The following CTTNBP2 variants were observed in gnomAD, a reference collection of about 807,000 sequenced individuals.
CTTNBP2 encodes cortactin-binding protein 2.
Under a neutral mutation model 156.9 loss-of-function variants are expected in CTTNBP2, and 108 were observed. The observed-to-expected ratio is 0.69, with a 90% CI of 0.59 to 0.81. CTTNBP2 has a LOEUF of 0.81. Among genes scored for constraint, CTTNBP2 ranks in the 30% least tolerant of loss-of-function variants. The pLI, the probability that CTTNBP2 is intolerant of heterozygous loss-of-function variation, is 0.00. For synonymous variants in CTTNBP2, 767 were observed against 751.8 expected (o/e 1.02, Z -0.33); for missense variants, 1,924 against 2,035.4 (o/e 0.95, Z 1.05).
chr7:117,718,154 A>T, intron 21 of CTTNBP2, 35 bp from the exon 22 acceptor site: 1 of 1,324,182 alleles, frequency 7.6e-7, no homozygotes, highest in Non-Finnish European at 1.1e-6. Flanking sequence ...TCATGTCTCC[A>T]CAGTCACACT....
chr7:117,817,735 T>C (rs1800703084), intron 2 of CTTNBP2, among the ~76,000 whole-genome samples: 2 of 152,028 alleles, frequency 1.3e-5, no homozygotes, highest in Non-Finnish European at 2.9e-5. Context: ...CTGTAACAAT[T>C]TAAAAAATAA....
intron 2 of CTTNBP2, among the ~76,000 whole-genome samples, chr7:117,816,422 T>C (rs1242720551): frequency 2.0e-5 from 3 of 152,198 alleles, no homozygotes; most frequent in Non-Finnish European, 4.4e-5. Flanking sequence ...TTCTCAGTCA[T>C]TTCTCTGCTC....
chr7:117,790,955 TAC>T, intron 4 of CTTNBP2, among the ~76,000 whole-genome samples, 171 bp downstream of exon 4: 1 of 148,074 alleles, frequency 6.8e-6, no homozygotes, highest in East Asian at 2.0e-4. Flanking sequence ...TGAATCACCA[TAC>T]CCTGGAGCCT....
chr7:117,729,059 G>A (rs901927004), intron 16 of CTTNBP2, among the ~76,000 whole-genome samples: 1 of 152,174 alleles, frequency 6.6e-6, no homozygotes, highest in East Asian at 1.9e-4. Context: ...GGAGAAGGAG[G>A]GTAGAGCTCT....
intron 16 of CTTNBP2, among the ~76,000 whole-genome samples, chr7:117,728,768 T>C (rs1795244300): frequency 6.6e-6 from 1 of 152,226 alleles, no homozygotes; most frequent in Non-Finnish European, 1.5e-5. Context: ...TCTGCAAGTA[T>C]ACATTAACTA....
In CTTNBP2 at chr7:117,791,904, G is replaced by A; in HGVS notation, c.1292C>T (p.Pro431Leu). The change falls in exon 4 of 23, where the codon CCA (proline) becomes CTA (leucine). Residue 431 changes from proline to leucine, a missense_variant. Pro to Leu is a moderately conservative substitution (Grantham distance 98, BLOSUM62 -3). Transcript: ENST00000160373. Reference protein sequence around the residue: ...QAPPMHSLHSPCANTSLHPGL... With the variant: ...QAPPMHSLHSLCANTSLHPGL... ...TGGATGCAAAGAGGTGTTGGCACAT[G>A]GTGAATGTAAACTGTGCATAGGTGG... The A allele has an allele frequency of 6.2e-7, 1 of 1,614,162 alleles. No homozygotes were observed. The highest frequency in any genetic ancestry group is 8.5e-7 in the Non-Finnish European group (1 of 1,180,034).
At chr7:117,852,878 A>T (rs1285034314) in intron 2 of CTTNBP2, among the ~76,000 whole-genome samples, 1 of 152,176 alleles carries the variant, frequency 6.6e-6, no homozygotes, top group African/African-American at 2.4e-5. Context: ...GAAAATGCTT[A>T]GTTTCATTAA....
intron 8 of CTTNBP2, among the ~76,000 whole-genome samples, chr7:117,768,520 C>A (rs184161425): frequency 1.6e-4 from 22 of 133,552 alleles, no homozygotes; most frequent in African/African-American, 2.3e-4. Context: ...GAGCCAAGAT[C>A]ATGCCACTGC....
chr7:117,735,399 T>C lies in CTTNBP2; in HGVS notation c.3558A>G (p.Gln1186=). The change falls in exon 15 of 23, where the codon CAA becomes CAG. Residue 1186 remains glutamine, a synonymous_variant. Coordinates refer to ENST00000160373, the MANE Select transcript of CTTNBP2 (RefSeq NM_033427.3). ...ISSACLIPVK[Q]SPSKKKIIII... ...TGATGATTTTCTTCTTACTGGGAGA[T>C]TGTTTCACTGGGATCAGACAAGCTA... 3 of 1,613,546 alleles carry C rather than the reference T, an allele frequency of 1.9e-6. No individual in the cohort carries two copies. Among genetic ancestry groups the C allele is most frequent in the Non-Finnish European group, 2.5e-6 (3 of 1,179,722 alleles).
chr7:117,759,239 C>A (rs1797058484), intron 10 of CTTNBP2, among the ~76,000 whole-genome samples: 2 of 151,948 alleles, frequency 1.3e-5, no homozygotes, highest in African/African-American at 4.8e-5. Flanking sequence ...CTCCGAGTAG[C>A]TGGGACTACA....
At chr7:117,736,157 A>G (rs1261857230) in intron 14 of CTTNBP2, among the ~76,000 whole-genome samples, 1 of 152,226 alleles carries the variant, frequency 6.6e-6, no homozygotes, top group East Asian at 1.9e-4. Flanking sequence ...AAATGTTCAT[A>G]AGATTATGTA....
At chr7:117,812,558 A>G (rs188577400) in intron 2 of CTTNBP2, among the ~76,000 whole-genome samples, 1 of 152,250 alleles carries the variant, frequency 6.6e-6, no homozygotes, top group Non-Finnish European at 1.5e-5. Context: ...ATTTACAAAA[A>G]GTCCAGTTTC....
chr7:117,712,745 G>C (rs1486548712), intron 22 of CTTNBP2, among the ~76,000 whole-genome samples: 1 of 152,154 alleles, frequency 6.6e-6, no homozygotes. Context: ...TCACCTGGGG[G>C]AGCTTTAATA....
rs1388988816 is a variant in CTTNBP2, at chr7:117,851,957, A to C, written c.189+9252T>G. Among the ~76,000 whole-genome samples the C allele has an allele frequency of 2.6e-5, 4 of 152,212 alleles. No individual in the cohort carries two copies. The East Asian group carries it at 7.7e-4, about 29-fold the overall frequency. ...ATCAACTCTAAGTTAACTTGACAGGATTACTTAAAAGTTTGTCTTAAAAAG... is the reference window on the plus strand; with the variant it reads ...ATCAACTCTAAGTTAACTTGACAGGCTTACTTAAAAGTTTGTCTTAAAAAG... On this transcript the variant is annotated intron_variant, in intron 2 of 22. Coordinates refer to ENST00000160373, the MANE Select transcript of CTTNBP2 (RefSeq NM_033427.3).
In CTTNBP2 at chr7:117,756,558, C is replaced by A; in HGVS notation, c.3345G>T (p.Arg1115Ser). The change falls in exon 12 of 23, where the codon AGG (arginine) becomes AGT (serine). Residue 1115 changes from arginine to serine, a missense_variant. Coordinates refer to ENST00000160373, the MANE Select transcript of CTTNBP2 (RefSeq NM_033427.3). ...IPLQMMQNYLRLVEQYHNVIF... is the reference protein window; with the variant it reads ...IPLQMMQNYLSLVEQYHNVIF... ...CCACCCAGCAGTGTCCACCTACCAG[C>A]CTGAGGTAGTTCTGCATCATCTGGA... 6.2e-7 allele frequency: 1 copy of A among 1,611,722 alleles called. No homozygotes were observed. Among genetic ancestry groups the A allele is most frequent in the Non-Finnish European group, 8.5e-7 (1 of 1,177,876 alleles).
intron 8 of CTTNBP2, among the ~76,000 whole-genome samples, chr7:117,777,256 T>C (rs1798153995): frequency 6.6e-6 from 1 of 152,186 alleles, no homozygotes; most frequent in African/African-American, 2.4e-5. Flanking sequence ...GTAGACAAGA[T>C]AAAATGTTTG....
chr7:117,802,266 T>A (rs182007797), intron 3 of CTTNBP2, among the ~76,000 whole-genome samples: 26 of 151,832 alleles, frequency 1.7e-4, no homozygotes, highest in African/African-American at 6.3e-4. Flanking sequence ...GAGGAAGGAT[T>A]TCTTTTAAAA....
intron 2 of CTTNBP2, among the ~76,000 whole-genome samples, chr7:117,819,110 A>T (rs1800791264): frequency 6.6e-6 from 1 of 152,206 alleles, no homozygotes; most frequent in Admixed American, 6.5e-5. Context: ...CAAACAGTCA[A>T]CATAAAAATT....
At chr7:117,756,465 C>T (rs915649046) in intron 12 of CTTNBP2, 90 bp downstream of exon 12, 3 of 958,730 alleles carry the variant, frequency 3.1e-6, no homozygotes, top group African/African-American at 3.2e-5. Flanking sequence ...GGGGGGCTTG[C>T]ACTCCTCCTT....
Sources: allele counts gnomAD v4.1 joint callset (sites outside exome capture counted in the v4.1 genomes callset), GRCh38; gene constraint gnomAD v4.1.1; transcripts MANE v1.5; gene names NCBI Gene and HGNC (gene_info 2026-07-23, HGNC 2026-07-21).